Variants in CACNA1D observed in about 807,000 individuals in gnomAD.
The protein encoded by CACNA1D is calcium voltage-gated channel subunit alpha1 D.
CACNA1D carries 55 observed loss-of-function variants against 257.1 expected under a neutral mutation model. The observed-to-expected ratio is 0.21, with a 90% confidence interval of 0.17 to 0.27. The LOEUF is 0.27. Among genes scored for constraint, CACNA1D ranks in the 10% least tolerant of loss-of-function variants. CACNA1D has a pLI of 1.00. For missense variants in CACNA1D, 1,876 were observed against 2,784.0 expected, an observed-to-expected ratio of 0.67 and a Z score of 7.34; for synonymous variants, 980 against 1,014.9, an observed-to-expected ratio of 0.97 and a Z score of 0.65.
At chr3:53,771,577 C>T (rs1330849034) in intron 32 of CACNA1D, among the ~76,000 whole-genome samples, 2 of 152,200 alleles carry the variant, frequency 1.3e-5, no homozygotes, top group South Asian at 2.1e-4. Flanking sequence ...GTGGGGGCCT[C>T]AGGCAGGTGA....
At chr3:53,787,156 G>A (rs1402391606) in intron 40 of CACNA1D, among the ~76,000 whole-genome samples, 1 of 152,050 alleles carries the variant, frequency 6.6e-6, no homozygotes, top group Non-Finnish European at 1.5e-5. Flanking sequence ...ACCCCATAGA[G>A]CCCTGCACCT....
Position 53,751,719 on chromosome 3 carries a change from C to T in CACNA1D, c.3517-30C>T, listed in dbSNP as rs916381642. The T allele has an allele frequency of 6.2e-7, 1 of 1,613,778 alleles. No individual in the cohort carries two copies. On this transcript the variant is annotated intron_variant, in intron 27 of 47. Transcript: ENST00000350061. This position sits in a 1 kb window ranked among gnomAD's most constrained non-coding sequence, Gnocchi z 4.3. The stretch of plus-strand genomic sequence containing the variant: ...CCTCCTTCCCTGCAAGTGCTCAGAA[C>T]CCCGTTTCTGCCCTTTTCTGCTGTT...
At chr3:53,695,956 G>GT (rs1559529481) in intron 8 of CACNA1D, among the ~76,000 whole-genome samples, 2 of 152,022 alleles carry the variant, frequency 1.3e-5, no homozygotes, top group East Asian at 1.9e-4. Context: ...GTTTTCGTTA[G>GT]TTTTTTTGTT....
intron 8 of CACNA1D, among the ~76,000 whole-genome samples, chr3:53,690,986 A>C (rs1406882599): frequency 6.6e-6 from 1 of 152,192 alleles, no homozygotes; most frequent in African/African-American, 2.4e-5. Context: ...GAATCTGACA[A>C]GTCTAGCAGA....
intron 3 of CACNA1D, among the ~76,000 whole-genome samples, chr3:53,586,176 G>A (rs2093212354): frequency 6.6e-6 from 1 of 152,158 alleles, no homozygotes; most frequent in Non-Finnish European, 1.5e-5. Flanking sequence ...AGATATGAGA[G>A]AAGGGGCTGG....
chr3:53,777,211 G>C (rs1345762182), intron 37 of CACNA1D, among the ~76,000 whole-genome samples: 3 of 152,166 alleles, frequency 2.0e-5, no homozygotes, highest in Admixed American at 6.5e-5. Flanking sequence ...TTTCAGTCCG[G>C]TCCAGAAGGA....
intron 9 of CACNA1D, among the ~76,000 whole-genome samples, chr3:53,714,880 G>A (rs1387491161): frequency 6.6e-6 from 1 of 152,072 alleles, no homozygotes; most frequent in African/African-American, 2.4e-5. Flanking sequence ...AAACATAGAT[G>A]AGATCCTATT....
intron 3 of CACNA1D, among the ~76,000 whole-genome samples, chr3:53,650,537 G>A (rs915216341): frequency 6.6e-6 from 1 of 152,266 alleles, no homozygotes; most frequent in Non-Finnish European, 1.5e-5. Context: ...GCAAAATGCA[G>A]TCATGCAGCC....
chr3:53,608,576 C>T (rs1188267945), intron 3 of CACNA1D, among the ~76,000 whole-genome samples: 1 of 152,198 alleles, frequency 6.6e-6, no homozygotes, highest in Non-Finnish European at 1.5e-5. Flanking sequence ...GGAAAGCACT[C>T]ATTTCTTCAC....
chr3:53,714,452 T>C (rs2094797534), intron 9 of CACNA1D, among the ~76,000 whole-genome samples: 1 of 152,200 alleles, frequency 6.6e-6, no homozygotes, highest in Admixed American at 6.5e-5. Context: ...GTATGACTCT[T>C]TCTGTCTGGA....
At chr3:53,748,412 G>A (rs1196290304) in intron 26 of CACNA1D, among the ~76,000 whole-genome samples, 4 of 152,196 alleles carry the variant, frequency 2.6e-5, no homozygotes, top group Admixed American at 2.6e-4. Context: ...ACAGTCAGGT[G>A]GGGCTTGTTC....
intron 44 of CACNA1D, 53 bp from the exon 45 acceptor site, chr3:53,804,930 G>C: frequency 5.2e-6 from 8 of 1,534,934 alleles, no homozygotes; most frequent in Non-Finnish European, 7.2e-6. Context: ...TGGCAGGGTT[G>C]AGTGACAGAG....
chr3:53,516,648 C>T (rs955422251), intron 3 of CACNA1D, among the ~76,000 whole-genome samples: 2 of 152,206 alleles, frequency 1.3e-5, no homozygotes, highest in Admixed American at 6.5e-5. Context: ...GTGTTTGTGG[C>T]CACATTGATG....
At chr3:53,509,419 G>A (rs1270204783) in intron 3 of CACNA1D, among the ~76,000 whole-genome samples, 3 of 152,170 alleles carry the variant, frequency 2.0e-5, no homozygotes, top group Non-Finnish European at 4.4e-5. Flanking sequence ...TAATTAAGCA[G>A]GGCCCCAGAC....
chr3:53,711,137 C>G (rs759503848), intron 9 of CACNA1D, among the ~76,000 whole-genome samples: 3 of 152,186 alleles, frequency 2.0e-5, no homozygotes, highest in Non-Finnish European at 4.4e-5. Context: ...TCCCCAGCTA[C>G]TTGGGAGGCT....
Position 53,751,171 on chromosome 3 carries a change from T to C in CACNA1D, c.3517-578T>C, listed in dbSNP as rs1369233979. The stretch of plus-strand genomic sequence containing the variant: ...GACATGTGGATAGCTCCCCATAAGA[T>C]GTGTATTGTTAACACACTCTGGCTC... On this transcript the variant is annotated intron_variant, in intron 27 of 47. Coordinates refer to ENST00000350061, the MANE Select transcript of CACNA1D (RefSeq NM_001128840.3). The surrounding 1 kb of genome is among the most constrained non-coding windows in gnomAD (Gnocchi z 4.3). Among the ~76,000 whole-genome samples, 1 of 152,232 alleles carries C rather than the reference T, an allele frequency of 6.6e-6. No individual in the cohort carries two copies. The highest frequency in any genetic ancestry group is 2.4e-5 in the African/African-American group (1 of 41,462).
At chr3:53,703,450 A>G (rs547532257) in intron 9 of CACNA1D, among the ~76,000 whole-genome samples, 1 of 152,348 alleles carries the variant, frequency 6.6e-6, no homozygotes, top group African/African-American at 2.4e-5. Flanking sequence ...AACTCAGTCC[A>G]TCACTGACAT....
intron 15 of CACNA1D, 140 bp downstream of exon 15, chr3:53,727,139 C>G (rs754126818): frequency 6.0e-6 from 6 of 994,240 alleles, no homozygotes; most frequent in Non-Finnish European, 9.6e-6. Flanking sequence ...AGCTCAATAT[C>G]TGCTTTTCTT....
chr3:53,634,371 C>T (rs541782285), intron 3 of CACNA1D, among the ~76,000 whole-genome samples: 6 of 152,260 alleles, frequency 3.9e-5, no homozygotes, highest in South Asian at 4.1e-4. Context: ...CCTGAATTAA[C>T]GGGACAGATG....
Sources: allele counts gnomAD v4.1 joint callset (sites outside exome capture counted in the v4.1 genomes callset), GRCh38; gene constraint gnomAD v4.1.1; non-coding constraint Gnocchi (gnomAD v3.1); transcripts MANE v1.5; gene names NCBI Gene and HGNC (gene_info 2026-07-23, HGNC 2026-07-21).